Variants in ASXL2 observed in about 807,000 individuals in gnomAD.
ASXL2 encodes ASXL transcriptional regulator 2.
Under a neutral mutation model 122.0 loss-of-function variants are expected in ASXL2, and 23 were observed. That is an observed-to-expected ratio of 0.19 (90% CI 0.14 to 0.27). The LOEUF is 0.27. Ranked by LOEUF, ASXL2 falls within the 10% of genes least tolerant of loss-of-function variation. The pLI is 1.00. For missense variants in ASXL2, 1,518 were observed against 1,713.8 expected (o/e 0.89, Z 2.02); for synonymous variants, 650 against 637.0 (o/e 1.02, Z -0.31).
intron 2 of ASXL2, among the ~76,000 whole-genome samples, chr2:25,842,516 G>A (rs945663198): frequency 6.6e-6 from 1 of 151,808 alleles, no homozygotes; most frequent in African/African-American, 2.4e-5. Context: ...AAATGATCAT[G>A]GTAAGTTTAA....
chr2:25,760,240 A>G (rs971988722), intron 8 of ASXL2, among the ~76,000 whole-genome samples: 1 of 152,010 alleles, frequency 6.6e-6, no homozygotes, highest in South Asian at 2.1e-4. Flanking sequence ...TTTGGAAGCC[A>G]TGACAAAAGG....
intron 8 of ASXL2, among the ~76,000 whole-genome samples, chr2:25,765,281 C>T (rs373107632): frequency 2.0e-5 from 3 of 152,020 alleles, no homozygotes; most frequent in East Asian, 3.9e-4. Context: ...GTCAGGAGAT[C>T]AAGACCATCC....
At chr2:25,765,410 C>T (rs1261788520) in intron 8 of ASXL2, among the ~76,000 whole-genome samples, 1 of 151,716 alleles carries the variant, frequency 6.6e-6, no homozygotes, top group South Asian at 2.1e-4. Context: ...GGCATGAACA[C>T]GGGAGGCAGA....
chr2:25,743,127 G>T lies in ASXL2; in HGVS notation c.3210C>A (p.Leu1070=). Reference sequence around the variant, plus strand: ...GATTCTGCCTCCGAACCCTCTGAATGAGAGTCTGAAGGATCTGATCTTGGG... The same window carrying T: ...GATTCTGCCTCCGAACCCTCTGAATTAGAGTCTGAAGGATCTGATCTTGGG... ...KATQDQILQT[L]IQRVRRQNLL... Residue 1070 remains leucine (L), a synonymous_variant, in exon 13 of 13, where the codon CTC becomes CTA. Coordinates refer to ENST00000435504, the MANE Select transcript of ASXL2 (RefSeq NM_018263.6). 4 of 1,614,018 alleles carry T rather than the reference G, an allele frequency of 2.5e-6. No homozygotes were observed. Among genetic ancestry groups the T allele is most frequent in the Non-Finnish European group, 2.5e-6 (3 of 1,179,900 alleles).
In ASXL2 at chr2:25,736,779, C is replaced by A. The variant is rs1034750675; in HGVS notation, c.*5250G>T. The stretch of plus-strand genomic sequence containing the variant: ...ATAAAAAGTCAGTTTTATGGGTCAT[C>A]AAGATACACTCTCGAAAATCTGACC... On this transcript the variant is annotated 3_prime_UTR_variant, in exon 13 of 13. Coordinates refer to ENST00000435504, the MANE Select transcript of ASXL2 (RefSeq NM_018263.6). 2 of 152,098 alleles carry A rather than the reference C, an allele frequency of 1.3e-5. No homozygotes were observed. The highest frequency in any genetic ancestry group is 2.9e-5 in the Non-Finnish European group (2 of 68,012). 9.4% of individuals were successfully genotyped at this position (152,098 alleles called of 1,614,324 possible). A position where few individuals can be genotyped will look rare whatever the true frequency, so the allele number is the denominator to read the frequency against.
chr2:25,858,674 G>C (rs556010161), intron 1 of ASXL2, among the ~76,000 whole-genome samples: 2 of 149,228 alleles, frequency 1.3e-5, no homozygotes, highest in Non-Finnish European at 3.0e-5. Context: ...AGTGAGCTGA[G>C]ATCACGCCAC....
At position 25,744,357 on chromosome 2, in the gene ASXL2, G is replaced by C. The variant is rs1473011373; in HGVS notation, c.1980C>G (p.Ile660Met). The change falls in exon 13 of 13, where the codon ATC becomes ATG. Residue 660 changes from isoleucine (I) to methionine (M), a missense_variant. By Grantham distance (10) the Ile-to-Met change is conservative. Around this residue, in one of 8 missense-constraint regions of ASXL2, gnomAD observed 48 missense variants for 82.1 expected, o/e 0.58. Coordinates refer to ENST00000435504, the MANE Select transcript of ASXL2 (RefSeq NM_018263.6). The surrounding 1 kb of genome is among the most constrained non-coding windows in gnomAD (Gnocchi z 4.7). Reference sequence around the variant, plus strand: ...CTTTGACCAGTTGGGCTTTTGCTTTGATGTCTGCAAGAGTTCTGGCTCCTG... The same window carrying C: ...CTTTGACCAGTTGGGCTTTTGCTTTCATGTCTGCAAGAGTTCTGGCTCCTG... ...NRTGARTLADIKAKAQLVKAQ... is the reference protein window; with the variant it reads ...NRTGARTLADMKAKAQLVKAQ... 1 of 1,613,954 alleles carries C rather than the reference G, an allele frequency of 6.2e-7. No homozygotes were observed. The highest frequency in any genetic ancestry group is 2.2e-5 in the East Asian group (1 of 44,882).
In ASXL2 at chr2:25,749,764, G is replaced by C. The variant is rs1304291937; in HGVS notation, c.1792C>G (p.Gln598Glu). ...TTGAGAAAGGGCTGTGGTGAGACCT[G>C]AAATGGCTGCTGGTGCTGGCGATTC... ...TENRQHQQPF[Q>E]VSPQPFLNRG... is the part of the protein sequence containing the mutation. The change falls in exon 12 of 13, where the codon CAG (glutamine) becomes GAG (glutamate). Residue 598 changes from glutamine (Q) to glutamate (E), a missense_variant. Transcript: ENST00000435504. The C allele has an allele frequency of 6.3e-7, 1 of 1,593,530 alleles. No individual in the cohort carries two copies. The highest frequency in any genetic ancestry group is 8.5e-7 in the Non-Finnish European group (1 of 1,173,328).
chr2:25,853,349 C>T (rs931700843), intron 1 of ASXL2, among the ~76,000 whole-genome samples: 3 of 152,146 alleles, frequency 2.0e-5, no homozygotes, highest in African/African-American at 7.2e-5. Context: ...GGGAAAAAGT[C>T]CTTACCTGGC....
At chr2:25,789,186 A>AT (rs950784918) in intron 5 of ASXL2, among the ~76,000 whole-genome samples, 6 of 151,194 alleles carry the variant, frequency 4.0e-5, no homozygotes, top group African/African-American at 1.5e-4. Context: ...CTGCAGTTCA[A>AT]TTTTTTTTAT....
intron 9 of ASXL2, among the ~76,000 whole-genome samples, chr2:25,756,474 A>AG (rs1452935541): frequency 1.3e-5 from 2 of 150,716 alleles, no homozygotes; most frequent in African/African-American, 4.9e-5. Context: ...AGAAAAAAAA[A>AG]AGAAAAAAAA....
At chr2:25,838,899 G>A (rs2089545940) in intron 2 of ASXL2, among the ~76,000 whole-genome samples, 1 of 152,118 alleles carries the variant, frequency 6.6e-6, no homozygotes, top group South Asian at 2.1e-4. Context: ...TATTTCCAGT[G>A]TCTCAGGAGG....
chr2:25,868,962 C>G (rs890809730), intron 1 of ASXL2, among the ~76,000 whole-genome samples: 1 of 152,070 alleles, frequency 6.6e-6, no homozygotes, highest in South Asian at 2.1e-4. Context: ...GTCAGGAGTT[C>G]AAGACCAGCC....
chr2:25,863,537 C>CA (rs1309244864), intron 1 of ASXL2, among the ~76,000 whole-genome samples: 1 of 150,778 alleles, frequency 6.6e-6, no homozygotes, highest in African/African-American at 2.4e-5. Flanking sequence ...CTAAAATATA[C>CA]AAAAAATTAG....
At chr2:25,749,189 G>A (rs982524871) in intron 12 of ASXL2, among the ~76,000 whole-genome samples, 20 of 152,176 alleles carry the variant, frequency 1.3e-4, no homozygotes, top group African/African-American at 4.8e-4. Flanking sequence ...CTGGAAGCAT[G>A]CATTACAGAC....
intron 5 of ASXL2, among the ~76,000 whole-genome samples, chr2:25,792,517 AG>A (rs1258920907): frequency 6.6e-6 from 1 of 152,206 alleles, no homozygotes; most frequent in Non-Finnish European, 1.5e-5. Context: ...TCTGATCAAA[AG>A]ATCGAGTTAC....
In ASXL2 at chr2:25,833,133, G is replaced by A. The variant is rs139976498; in HGVS notation, c.143+2405C>T. Among the ~76,000 whole-genome samples, 6 of 152,176 alleles carry A rather than the reference G, an allele frequency of 3.9e-5. No individual in the cohort carries two copies. In the South Asian group the frequency reaches 6.2e-4, roughly 16 times the overall value. Reference sequence around the variant, plus strand: ...GTGGTAGGTACATGAATCTATACACGTGATAAAACCACATAGCACCCTATA... The same window carrying A: ...GTGGTAGGTACATGAATCTATACACATGATAAAACCACATAGCACCCTATA... On this transcript the variant is annotated intron_variant, in intron 3 of 12. Transcript: ENST00000435504.
At chr2:25,826,096 G>C (rs188962105) in intron 3 of ASXL2, among the ~76,000 whole-genome samples, 2 of 152,184 alleles carry the variant, frequency 1.3e-5, no homozygotes, top group South Asian at 4.2e-4. Flanking sequence ...TCCTTCTTAA[G>C]CTAAGCTAAA....
intron 4 of ASXL2, among the ~76,000 whole-genome samples, chr2:25,805,768 C>T (rs550410112): frequency 7.9e-5 from 12 of 152,208 alleles, no homozygotes; most frequent in Admixed American, 2.6e-4. Flanking sequence ...CTCCGCCTCC[C>T]GGGTTCAAGC....
Sources: allele counts gnomAD v4.1 joint callset (sites outside exome capture counted in the v4.1 genomes callset), GRCh38; gene constraint gnomAD v4.1.1; regional missense constraint gnomAD v4.1.1; non-coding constraint Gnocchi (gnomAD v3.1); transcripts MANE v1.5; gene names NCBI Gene and HGNC (gene_info 2026-07-23, HGNC 2026-07-21).